The following GLIS3 variants were observed in gnomAD, a reference collection of about 807,000 sequenced individuals.
The protein encoded by GLIS3 is zinc finger protein GLIS3.
A neutral mutation model predicts 78.6 loss-of-function variants in GLIS3; 53 were observed. The ratio of observed to expected loss-of-function variants is 0.67; its 90% CI spans 0.54 to 0.85. The LOEUF is 0.85. GLIS3 is among the 40% of genes least tolerant of loss of function. The probability of loss-of-function intolerance (pLI) is 0.00; values close to 1 mark genes in which losing one functional copy is unlikely to be tolerated. For synonymous variants in GLIS3, 684 were observed against 509.9 expected, an observed-to-expected ratio of 1.34 and a Z score of -4.60; for missense variants, 1,703 against 1,231.1, an observed-to-expected ratio of 1.38 and a Z score of -5.74.
intron 2 of GLIS3, among the ~76,000 whole-genome samples, chr9:4,337,218 C>A (rs1054884772): frequency 6.6e-6 from 1 of 152,176 alleles, no homozygotes; most frequent in Non-Finnish European, 1.5e-5. Context: ...GGGACACAGT[C>A]CTGAGGAAAT....
Position 3,967,028 on chromosome 9 carries a change from A to C in GLIS3, c.1711-29839T>G, listed in dbSNP as rs73641237. On this transcript the variant is annotated intron_variant, in intron 4 of 10. Transcript: ENST00000381971. ...TCTTTCTGCAAAAAAAAAAAAAAAA[A>C]AAAAACAAAAAAACATTTTGAGGAT... Among the ~76,000 whole-genome samples the C allele has an allele frequency of 3.0e-4, 43 of 142,092 alleles. 1 individual carries two copies. The highest frequency in any genetic ancestry group is 1.1e-3 in the African/African-American group (38 of 35,242). The allele number at this position is 142,092 out of a possible 152,430, so 93.2% of individuals were successfully genotyped here.
intron 4 of GLIS3, among the ~76,000 whole-genome samples, chr9:4,065,464 T>G (rs1827017974): frequency 6.6e-6 from 1 of 152,246 alleles, no homozygotes; most frequent in African/African-American, 2.4e-5. Context: ...TGAGAAATTT[T>G]CTGTCATTAT....
chr9:4,488,732 G>A, the GLIS3 span, among the ~76,000 whole-genome samples: 3 of 152,070 alleles, frequency 2.0e-5, no homozygotes, highest in African/African-American at 7.2e-5. Flanking sequence ...TGGCCAGGCT[G>A]GTCTCGAACT....
chr9:4,475,942 T>C, the GLIS3 span, among the ~76,000 whole-genome samples: 1 of 152,090 alleles, frequency 6.6e-6, no homozygotes, highest in East Asian at 1.9e-4. Flanking sequence ...ACAGATGGGG[T>C]CTTGCTATGT....
At chr9:4,125,094 C>T (rs916947141) in intron 3 of GLIS3, among the ~76,000 whole-genome samples, 3 of 152,162 alleles carry the variant, frequency 2.0e-5, no homozygotes, top group Admixed American at 6.5e-5. Flanking sequence ...ATTTATAGTA[C>T]CTACTTACTA....
At chr9:3,860,272 C>CAAAAAAAAAAAAAAAAAAAAAAA (rs59923144) in intron 8 of GLIS3, among the ~76,000 whole-genome samples, 35 of 53,608 alleles carry the variant, frequency 6.5e-4, no homozygotes, top group Non-Finnish European at 8.3e-4. Context: ...AAGACTCTGT[C>CAAAAAAAAAAAAAAAAAAAAAAA]AAAAAAAAAA....
chr9:4,392,979 A>C, the GLIS3 span, among the ~76,000 whole-genome samples: 1 of 151,888 alleles, frequency 6.6e-6, no homozygotes, highest in Admixed American at 6.6e-5. Context: ...CTTGTTTTTT[A>C]AAGTGAGGGA....
At chr9:4,075,531 G>A (rs187878863) in intron 4 of GLIS3, among the ~76,000 whole-genome samples, 27 of 152,118 alleles carry the variant, frequency 1.8e-4, no homozygotes, top group African/African-American at 4.3e-4. Context: ...AGCCGAGATC[G>A]TGCCACTGCA....
the GLIS3 span, among the ~76,000 whole-genome samples, chr9:4,453,939 A>G: frequency 6.6e-6 from 1 of 152,184 alleles, no homozygotes; most frequent in Non-Finnish European, 1.5e-5. Context: ...TGGCACATGT[A>G]TACCTATGTA....
chr9:4,385,737 A>AAAAGAAAGAG, the GLIS3 span, among the ~76,000 whole-genome samples: 116 of 54,530 alleles, frequency 2.1e-3, 18 homozygotes, highest in East Asian at 0.034. Flanking sequence ...GAAAGAAAGA[A>AAAAGAAAGAG]AAAGAAAGAA....
At chr9:4,085,007 TAAAA>T (rs34573737) in intron 4 of GLIS3, among the ~76,000 whole-genome samples, 1 of 150,596 alleles carries the variant, frequency 6.6e-6, no homozygotes, top group Non-Finnish European at 1.5e-5. Context: ...TTGGGAGGAA[TAAAA>T]AAAAGCACAT....
intron 2 of GLIS3, among the ~76,000 whole-genome samples, chr9:4,339,551 G>A (rs527879249): frequency 1.3e-5 from 2 of 150,988 alleles, no homozygotes; most frequent in Non-Finnish European, 2.9e-5. Context: ...ATTGCTAACC[G>A]GAAAGAACCT....
the GLIS3 span, among the ~76,000 whole-genome samples, chr9:4,467,501 G>C: frequency 1.3e-5 from 2 of 152,208 alleles, no homozygotes; most frequent in Non-Finnish European, 2.9e-5. Flanking sequence ...GCCTCCGCTG[G>C]TGATACCCAG....
chr9:4,131,893 G>T (rs1054591331), intron 2 of GLIS3, among the ~76,000 whole-genome samples: 2 of 151,996 alleles, frequency 1.3e-5, no homozygotes, highest in East Asian at 1.9e-4. Context: ...TACTATGATT[G>T]TTACATGCCT....
intron 4 of GLIS3, 49 bp from the exon 5 acceptor site, chr9:3,937,238 T>A (rs759423711): frequency 1.2e-6 from 2 of 1,604,940 alleles, no homozygotes; most frequent in Non-Finnish European, 1.7e-6. Flanking sequence ...CTTGAATGTT[T>A]GAGTCTGGGG....
Position 4,120,245 on chromosome 9 carries a change from TATG to T in GLIS3, c.597-1367_597-1365del, listed in dbSNP as rs535335881. ...CCACAAACACCATTTCATACAAGCA[TATG>T]ATATTAGCAAGAAAAACATCTCAGC... On this transcript the variant is annotated intron_variant, in intron 3 of 10. Transcript: ENST00000381971. Among the ~76,000 whole-genome samples, 504 of 152,326 alleles carry T rather than the reference TATG, an allele frequency of 3.3e-3. 1 individual carries two copies. Among genetic ancestry groups the T allele is most frequent in the Middle Eastern group, 0.01 (3 of 294 alleles).
intron 2 of GLIS3, among the ~76,000 whole-genome samples, chr9:4,223,951 G>C (rs999730720): frequency 2.6e-5 from 4 of 151,448 alleles, no homozygotes; most frequent in Admixed American, 2.6e-4. Context: ...AACAATACGG[G>C]GAAAATGCCA....
the GLIS3 span, among the ~76,000 whole-genome samples, chr9:4,473,333 C>A: frequency 6.6e-6 from 1 of 151,986 alleles, no homozygotes; most frequent in South Asian, 2.1e-4. Flanking sequence ...GGAATCCCAG[C>A]TACTCAGGAG....
intron 2 of GLIS3, among the ~76,000 whole-genome samples, chr9:4,197,352 T>A (rs1467155103): frequency 6.6e-6 from 1 of 152,124 alleles, no homozygotes; most frequent in African/African-American, 2.4e-5. Flanking sequence ...CCTACCCTCC[T>A]TGTGTAGAGA....
Sources: allele counts gnomAD v4.1 joint callset (sites outside exome capture counted in the v4.1 genomes callset), GRCh38; gene constraint gnomAD v4.1.1; transcripts MANE v1.5; gene names NCBI Gene and HGNC (gene_info 2026-07-23, HGNC 2026-07-21).